Variants in CSMD1 observed in about 807,000 individuals in gnomAD.
CSMD1 encodes CUB and sushi domain-containing protein 1.
Under a neutral mutation model 417.5 loss-of-function variants are expected in CSMD1, and 213 were observed. The ratio of observed to expected loss-of-function variants is 0.51; its 90% CI spans 0.46 to 0.57. CSMD1 has a LOEUF of 0.57. CSMD1 is among the 20% of genes least tolerant of loss of function. The probability of loss-of-function intolerance (pLI) is 0.00; values close to 1 mark genes in which losing one functional copy is unlikely to be tolerated. For missense variants in CSMD1, 6,923 were observed against 4,529.7 expected (o/e 1.53, Z -15.17); for synonymous variants, 2,862 against 1,736.8 (o/e 1.65, Z -16.11).
At chr8:4,217,084 A>G (rs1399336798) in intron 3 of CSMD1, among the ~76,000 whole-genome samples, 1 of 152,210 alleles carries the variant, frequency 6.6e-6, no homozygotes, top group African/African-American at 2.4e-5. Flanking sequence ...TATACAATAT[A>G]GTAGATAGGG....
intron 1 of CSMD1, among the ~76,000 whole-genome samples, chr8:4,978,719 C>G (rs1457377042): frequency 1.3e-5 from 2 of 152,128 alleles, no homozygotes; most frequent in Admixed American, 6.6e-5. Context: ...GAATGGATTA[C>G]TTGAGGTCAG....
At chr8:3,974,334 T>C (rs1371728455) in intron 5 of CSMD1, among the ~76,000 whole-genome samples, 3 of 151,966 alleles carry the variant, frequency 2.0e-5, no homozygotes, top group African/African-American at 7.2e-5. Context: ...TTAAGCACTG[T>C]TTGAGTAGTT....
intron 3 of CSMD1, among the ~76,000 whole-genome samples, chr8:4,204,868 C>G (rs566143658): frequency 2.0e-5 from 3 of 152,046 alleles, no homozygotes; most frequent in Admixed American, 2.0e-4. Context: ...ACTATATTCC[C>G]CAGGCTGGTC....
At chr8:4,643,438 C>T (rs1803329759) in intron 1 of CSMD1, among the ~76,000 whole-genome samples, 1 of 152,088 alleles carries the variant, frequency 6.6e-6, no homozygotes, top group African/African-American at 2.4e-5. Flanking sequence ...TATTGTATAC[C>T]TGTTGGCTTT....
At chr8:4,785,741 T>C (rs1374481399) in intron 1 of CSMD1, among the ~76,000 whole-genome samples, 1 of 152,184 alleles carries the variant, frequency 6.6e-6, no homozygotes, top group Non-Finnish European at 1.5e-5. Context: ...TTACTCTCAG[T>C]GCATCATACA....
intron 1 of CSMD1, among the ~76,000 whole-genome samples, chr8:4,977,583 G>A (rs4517142): frequency 0.65 from 98,202 of 152,040 alleles, 32,227 homozygotes; most frequent in Middle Eastern, 0.81. Flanking sequence ...CCTTTGGGTG[G>A]ATCTCACTGA....
intron 5 of CSMD1, among the ~76,000 whole-genome samples, chr8:3,898,214 C>A (rs1195721340): frequency 6.6e-6 from 1 of 152,096 alleles, no homozygotes; most frequent in Non-Finnish European, 1.5e-5. Context: ...ATGGAAAATT[C>A]CCCTACATAT....
chr8:3,921,710 C>T (rs1335107543), intron 5 of CSMD1, among the ~76,000 whole-genome samples: 1 of 151,974 alleles, frequency 6.6e-6, no homozygotes, highest in Non-Finnish European at 1.5e-5. Flanking sequence ...TCCTCCTCTC[C>T]CTGATTTTAG....
intron 3 of CSMD1, among the ~76,000 whole-genome samples, chr8:4,282,041 C>G (rs1166793190): frequency 1.3e-5 from 2 of 152,202 alleles, no homozygotes; most frequent in African/African-American, 4.8e-5. Flanking sequence ...TTGTTATAAA[C>G]ACTTTCCCTG....
chr8:4,922,821 G>T (rs939852506), intron 1 of CSMD1, among the ~76,000 whole-genome samples: 2 of 152,176 alleles, frequency 1.3e-5, no homozygotes, highest in Non-Finnish European at 2.9e-5. Context: ...ACAGGGAAAT[G>T]ACTTGAGGAA....
At chr8:4,080,832 G>C (rs376522353) in intron 3 of CSMD1, among the ~76,000 whole-genome samples, 1 of 152,084 alleles carries the variant, frequency 6.6e-6, no homozygotes, top group Admixed American at 6.6e-5. Flanking sequence ...ATTCAATAAA[G>C]GTATTGCTAT....
At chr8:4,742,056 A>G (rs1208457449) in intron 1 of CSMD1, among the ~76,000 whole-genome samples, 1 of 86,450 alleles carries the variant, frequency 1.2e-5, no homozygotes, top group Non-Finnish European at 2.1e-5. Context: ...TTTGAGACGG[A>G]GTCTCTCTCT....
intron 49 of CSMD1, among the ~76,000 whole-genome samples, chr8:3,064,443 G>C (rs913586133): frequency 2.0e-5 from 3 of 152,158 alleles, no homozygotes; most frequent in African/African-American, 7.2e-5. Context: ...ATGATTGTAA[G>C]TTTCCTGAGG....
intron 19 of CSMD1, among the ~76,000 whole-genome samples, chr8:3,367,785 C>T (rs972442252): frequency 6.6e-6 from 1 of 152,006 alleles, no homozygotes; most frequent in Non-Finnish European, 1.5e-5. Flanking sequence ...TATAGATGTA[C>T]ATATTGGCAT....
chr8:4,218,759 T>C (rs190493873), intron 3 of CSMD1, among the ~76,000 whole-genome samples: 1 of 152,294 alleles, frequency 6.6e-6, no homozygotes, highest in Admixed American at 6.5e-5. Flanking sequence ...TTTTCATCAG[T>C]CTCTTGATTT....
At chr8:4,869,116 A>C (rs1802585153) in intron 1 of CSMD1, among the ~76,000 whole-genome samples, 1 of 152,070 alleles carries the variant, frequency 6.6e-6, no homozygotes, top group South Asian at 2.1e-4. Context: ...TTTTTAAATA[A>C]ATTTATAAAT....
chr8:3,003,175 T>C lies in CSMD1; in HGVS notation c.8030-3044A>G, dbSNP rs772098390. On this transcript the variant is annotated intron_variant, in intron 52 of 69. Coordinates refer to ENST00000635120, the MANE Select transcript of CSMD1 (RefSeq NM_033225.6). ...ACAATTTCACTCACAGAATACTCTT[T>C]AACCCAAATCTTAATGATATTGTGT... Among the ~76,000 whole-genome samples the C allele has an allele frequency of 3.1e-4, 47 of 152,330 alleles. 1 individual carries two copies. Among genetic ancestry groups the C allele is most frequent in the Admixed American group, 5.2e-4 (8 of 15,298 alleles).
chr8:3,373,509 T>A (rs1007636609), intron 18 of CSMD1: 2 of 152,234 alleles, frequency 1.3e-5, no homozygotes, highest in Non-Finnish European at 2.9e-5. Flanking sequence ...GGAAATTTGA[T>A]GTATGGAGAA....
chr8:4,853,497 C>T (rs377179685), intron 1 of CSMD1, among the ~76,000 whole-genome samples: 13 of 152,322 alleles, frequency 8.5e-5, no homozygotes, highest in African/African-American at 2.9e-4. Context: ...ATAAAGGAGG[C>T]TTGGCAGCTT....
Sources: allele counts gnomAD v4.1 joint callset (sites outside exome capture counted in the v4.1 genomes callset), GRCh38; gene constraint gnomAD v4.1.1; transcripts MANE v1.5; gene names NCBI Gene and HGNC (gene_info 2026-07-23, HGNC 2026-07-21).